UBE2H: variants seen among roughly 807,000 people sequenced by gnomAD.
UBE2H encodes ubiquitin-conjugating enzyme E2 H.
Under a neutral mutation model 29.0 loss-of-function variants are expected in UBE2H, and 3 were observed. That is an observed-to-expected ratio of 0.10 (90% CI 0.05 to 0.27). The LOEUF (loss-of-function observed/expected upper bound fraction) is 0.27. Among genes scored for constraint, UBE2H ranks in the 10% least tolerant of loss-of-function variants. The pLI is 1.00. For synonymous variants in UBE2H, 69 were observed against 82.9 expected (o/e 0.83, Z 0.91); for missense variants, 68 against 228.2 (o/e 0.30, Z 4.52).
chr7:129,851,157 G>A (rs769846566), intron 5 of UBE2H, among the ~76,000 whole-genome samples: 4 of 152,182 alleles, frequency 2.6e-5, no homozygotes, highest in Admixed American at 6.5e-5. Context: ...AAGAAAATAA[G>A]TGCTACTGCA....
At chr7:129,905,965 CA>C (rs199883685) in intron 1 of UBE2H, among the ~76,000 whole-genome samples, 12 of 141,492 alleles carry the variant, frequency 8.5e-5, no homozygotes, top group Admixed American at 7.1e-5. Flanking sequence ...ACACTGTCTC[CA>C]AAAAAAAAAG....
chr7:129,874,732 GCAA>G (rs1362824281), intron 3 of UBE2H, among the ~76,000 whole-genome samples: 3 of 152,040 alleles, frequency 2.0e-5, no homozygotes, highest in African/African-American at 7.2e-5. Context: ...AGAGAAAAAT[GCAA>G]CAACGGAAGG....
chr7:129,832,210 C>T lies in UBE2H; in HGVS notation c.*2727G>A, dbSNP rs1165050346. The stretch of plus-strand genomic sequence containing the variant: ...TGTTTGGGCTCCTACTCCCACCTCT[C>T]CCAGGCGCAGGGAGAGGACAAAAAG... On this transcript the variant is annotated 3_prime_UTR_variant, in exon 7 of 7. Coordinates refer to ENST00000355621, the MANE Select transcript of UBE2H (RefSeq NM_003344.4). 1 of 152,246 alleles carries T rather than the reference C, an allele frequency of 6.6e-6. No homozygotes were observed. The highest frequency in any genetic ancestry group is 1.9e-4 in the East Asian group (1 of 5,190). The allele number at this position is 152,246 out of a possible 1,614,324, so 9.4% of individuals were successfully genotyped here. A position where few individuals can be genotyped will look rare whatever the true frequency, so the allele number is the denominator to read the frequency against.
At chr7:129,927,327 G>C (rs1807290467) in intron 1 of UBE2H, among the ~76,000 whole-genome samples, 1 of 152,088 alleles carries the variant, frequency 6.6e-6, no homozygotes, top group Non-Finnish European at 1.5e-5. Flanking sequence ...GGATCACAAG[G>C]TCAGGAATTC....
In UBE2H at chr7:129,950,893, A is replaced by G. The variant is rs867519918; in HGVS notation, c.53+1610T>C. Among the ~76,000 whole-genome samples, 4 of 152,306 alleles carry G rather than the reference A, an allele frequency of 2.6e-5. No homozygotes were observed. The South Asian group carries it at 8.3e-4, about 32-fold the overall frequency. The stretch of plus-strand genomic sequence containing the variant: ...ACAATCACAGCCACAAACAGCTCAT[A>G]AAGAGTTGATTTCACTTGCGCCTGA... On this transcript the variant is annotated intron_variant, in intron 1 of 6. Coordinates refer to ENST00000355621, the MANE Select transcript of UBE2H (RefSeq NM_003344.4).
chr7:129,831,893 G>A lies in UBE2H; in HGVS notation c.*3044C>T, dbSNP rs918942683. On this transcript the variant is annotated 3_prime_UTR_variant, in exon 7 of 7. Coordinates refer to ENST00000355621, the MANE Select transcript of UBE2H (RefSeq NM_003344.4). ...AGTTATGTGAACAGGGGCAAAGAAT[G>A]GCTTGTGCTGGTAAAACTCAAGGGA... 1 of 152,332 alleles carries A rather than the reference G, an allele frequency of 6.6e-6. No homozygotes were observed. The highest frequency in any genetic ancestry group is 2.1e-4 in the South Asian group (1 of 4,822). The allele number at this position is 152,332 out of a possible 1,614,324, so 9.4% of individuals were successfully genotyped here.
chr7:129,854,443 T>A (rs1805670108), intron 5 of UBE2H, among the ~76,000 whole-genome samples: 1 of 152,198 alleles, frequency 6.6e-6, no homozygotes, highest in Non-Finnish European at 1.5e-5. Flanking sequence ...TTTCTTCTTG[T>A]TTTCCTGCAC....
intron 1 of UBE2H, among the ~76,000 whole-genome samples, chr7:129,918,316 G>C (rs995767391): frequency 6.6e-6 from 1 of 151,532 alleles, no homozygotes; most frequent in Admixed American, 6.6e-5. Context: ...AAGAGATAAA[G>C]ACTGAAAGTA....
chr7:129,831,709 C>A lies in UBE2H; in HGVS notation c.*3228G>T, dbSNP rs1805230626. 1 of 152,214 alleles carries A rather than the reference C, an allele frequency of 6.6e-6. No individual in the cohort carries two copies. The highest frequency in any genetic ancestry group is 2.4e-5 in the African/African-American group (1 of 41,438). The allele number at this position is 152,214 out of a possible 1,614,324, so 9.4% of individuals were successfully genotyped here. On this transcript the variant is annotated 3_prime_UTR_variant, in exon 7 of 7. Coordinates refer to ENST00000355621, the MANE Select transcript of UBE2H (RefSeq NM_003344.4). ...ACCTCAAGGAGGGTGATGAAATTGA[C>A]GACAAAGCCAAATGTCAGTGTCTAA...
intron 5 of UBE2H, among the ~76,000 whole-genome samples, chr7:129,848,163 C>T (rs571477130): frequency 3.3e-5 from 5 of 152,192 alleles, no homozygotes; most frequent in Middle Eastern, 3.4e-3. Context: ...GTGGAGGCTG[C>T]GGTAAGCCAA....
intron 1 of UBE2H, among the ~76,000 whole-genome samples, chr7:129,933,853 T>C (rs986063415): frequency 9.8e-5 from 15 of 152,290 alleles, no homozygotes; most frequent in South Asian, 2.1e-4. Context: ...GACAAAAGCT[T>C]AGGAAACCAT....
chr7:129,879,796 C>A (rs577657430), intron 2 of UBE2H, among the ~76,000 whole-genome samples, 154 bp from the exon 3 acceptor site: 1 of 152,274 alleles, frequency 6.6e-6, no homozygotes, highest in East Asian at 1.9e-4. Context: ...AGGTGTACCA[C>A]GTTCAGATTA....
rs199684048 is a variant in UBE2H at position 129,858,877 on chromosome 7, G to A, written c.245+25C>T. 3.8e-5 allele frequency: 61 copies of A among 1,599,916 alleles called. No individual in the cohort carries two copies. In the African/African-American group the frequency reaches 7.9e-4, roughly 21 times the overall value. On this transcript the variant is annotated intron_variant, in intron 4 of 6. Transcript: ENST00000355621. ...ATCATGAGCAGTTGCTGCTAAAATT[G>A]AAACATTTTAAAATAGTTACTTACG...
chr7:129,900,372 C>G (rs1257973412), intron 1 of UBE2H, among the ~76,000 whole-genome samples: 1 of 152,160 alleles, frequency 6.6e-6, no homozygotes. Flanking sequence ...ATAGAGTTTA[C>G]CCTTGACTAC....
At chr7:129,854,852 A>C (rs1805676086) in intron 5 of UBE2H, among the ~76,000 whole-genome samples, 1 of 152,212 alleles carries the variant, frequency 6.6e-6, no homozygotes, top group Non-Finnish European at 1.5e-5. Context: ...ACAATGAAAT[A>C]TTATTCAGCC....
In UBE2H at chr7:129,952,739, G is replaced by T; in HGVS notation, c.-184C>A. The T allele has an allele frequency of 3.7e-6, 2 of 537,530 alleles. No individual in the cohort carries two copies. The highest frequency in any genetic ancestry group is 5.7e-6 in the Non-Finnish European group (2 of 351,758). The allele number at this position is 537,530 out of a possible 1,614,324, so 33.3% of individuals were successfully genotyped here. A position where few individuals can be genotyped will look rare whatever the true frequency, so the allele number is the denominator to read the frequency against. On this transcript the variant is annotated 5_prime_UTR_variant, in exon 1 of 7. Transcript: ENST00000355621. ...GGGAACACCGGGCACTGTCCGGCCG[G>T]GTGGGGGTGGGGACCCTGCGGCGCC...
At chr7:129,886,228 G>A (rs1300895275) in intron 1 of UBE2H, among the ~76,000 whole-genome samples, 2 of 152,088 alleles carry the variant, frequency 1.3e-5, no homozygotes, top group Non-Finnish European at 2.9e-5. Flanking sequence ...CTATTAAGGG[G>A]TATCACCATT....
intron 1 of UBE2H, among the ~76,000 whole-genome samples, chr7:129,914,315 G>A (rs368714994): frequency 2.0e-5 from 3 of 151,980 alleles, no homozygotes; most frequent in African/African-American, 4.8e-5. Context: ...CTACAGGAGC[G>A]CCCCACCATG....
At chr7:129,929,306 A>ATCCT (rs1370854749) in intron 1 of UBE2H, among the ~76,000 whole-genome samples, 1 of 150,012 alleles carries the variant, frequency 6.7e-6, no homozygotes, top group East Asian at 1.9e-4. Context: ...AACAAGAGTG[A>ATCCT]AACTCCATCT....
Sources: allele counts gnomAD v4.1 joint callset (sites outside exome capture counted in the v4.1 genomes callset), GRCh38; gene constraint gnomAD v4.1.1; transcripts MANE v1.5; gene names NCBI Gene and HGNC (gene_info 2026-07-23, HGNC 2026-07-21).